Variants in SMIM14 observed in about 807,000 individuals in gnomAD.
SMIM14 encodes the protein small integral membrane protein 14.
In SMIM14, 5 loss-of-function variants were observed where a neutral mutation model predicts 12.6. The ratio of observed to expected loss-of-function variants is 0.40; its 90% CI spans 0.21 to 0.83. The LOEUF (loss-of-function observed/expected upper bound fraction) is 0.83. Among genes scored for constraint, SMIM14 ranks in the 40% least tolerant of loss-of-function variants. The pLI is 0.37. For synonymous variants in SMIM14, 30 were observed against 40.1 expected (o/e 0.75, Z 0.95); for missense variants, 86 against 119.1 (o/e 0.72, Z 1.29).
At chr4:39,570,438 C>T (rs1169585763) in intron 3 of SMIM14, among the ~76,000 whole-genome samples, 2 of 152,002 alleles carry the variant, frequency 1.3e-5, no homozygotes, top group South Asian at 2.1e-4. Flanking sequence ...GGATTACAGG[C>T]GTGAGCCACC....
chr4:39,565,666 A>C (rs973358297), intron 3 of SMIM14, among the ~76,000 whole-genome samples: 1 of 152,152 alleles, frequency 6.6e-6, no homozygotes, highest in Non-Finnish European at 1.5e-5. Context: ...TCTGACTCTC[A>C]TTTTGACAGA....
At chr4:39,565,391 A>G (rs1337387286) in intron 3 of SMIM14, among the ~76,000 whole-genome samples, 1 of 152,106 alleles carries the variant, frequency 6.6e-6, no homozygotes, top group East Asian at 1.9e-4. Context: ...CAGTGGCTCA[A>G]TTACAGTCAC....
In SMIM14 at chr4:39,571,677, A is replaced by G. The variant is rs1712898577; in HGVS notation, c.124+738T>C. Reference sequence around the variant, plus strand: ...AGGGAGAGAGTGAATGGTTTGCGCAAGCAGCTTTGATGTCCCAGTTACACC... The same window carrying G: ...AGGGAGAGAGTGAATGGTTTGCGCAGGCAGCTTTGATGTCCCAGTTACACC... On this transcript the variant is annotated intron_variant, in intron 3 of 4. Transcript: ENST00000295958. Among the ~76,000 whole-genome samples the G allele has an allele frequency of 2.0e-5, 3 of 152,184 alleles. No individual in the cohort carries two copies. In the South Asian group the frequency reaches 6.2e-4, roughly 32 times the overall value.
intron 1 of SMIM14, among the ~76,000 whole-genome samples, chr4:39,633,461 T>G (rs1285350720): frequency 6.6e-6 from 1 of 152,096 alleles, no homozygotes; most frequent in Non-Finnish European, 1.5e-5. Flanking sequence ...AAAGGAAAAC[T>G]TCAAATAAAT....
At chr4:39,605,043 A>G (rs767794541) in intron 2 of SMIM14, 28 bp downstream of exon 2, 1 of 1,379,426 alleles carries the variant, frequency 7.2e-7, no homozygotes, top group South Asian at 1.2e-5. Context: ...AGATCAGTTC[A>G]GAATAGGATT....
intron 1 of SMIM14, among the ~76,000 whole-genome samples, chr4:39,624,688 G>A (rs1482261068): frequency 1.3e-5 from 2 of 151,268 alleles, no homozygotes; most frequent in East Asian, 2.0e-4. Context: ...GCTGGGCGTG[G>A]TGGTGTGTCC....
chr4:39,614,185 C>CAAAA (rs60332502), intron 1 of SMIM14, among the ~76,000 whole-genome samples: 41 of 102,286 alleles, frequency 4.0e-4, no homozygotes, highest in African/African-American at 1.2e-3. Flanking sequence ...AACTCCATTA[C>CAAAA]AAAAAAAAAA....
At chr4:39,622,460 G>A (rs1429116528) in intron 1 of SMIM14, among the ~76,000 whole-genome samples, 1 of 152,110 alleles carries the variant, frequency 6.6e-6, no homozygotes, top group African/African-American at 2.4e-5. Flanking sequence ...GAGTGCAGTG[G>A]CACGGTCTCG....
At position 39,638,769 on chromosome 4, in the gene SMIM14, G is replaced by A. The variant is rs927289612; in HGVS notation, c.-66C>T. 39 of 985,428 alleles carry A rather than the reference G, an allele frequency of 4.0e-5. No individual in the cohort carries two copies. In the African/African-American group the frequency reaches 5.4e-4, roughly 14 times the overall value. 61.0% of individuals were successfully genotyped at this position (985,428 alleles called of 1,614,324 possible). On this transcript the variant is annotated 5_prime_UTR_variant, in exon 1 of 5. Coordinates refer to ENST00000295958, the MANE Select transcript of SMIM14 (RefSeq NM_174921.3). ...CAGACAACAACCGATGGGGCGGGGA[G>A]GATGGGGGCCGGGACCGAGGCTCGG...
intron 1 of SMIM14, among the ~76,000 whole-genome samples, chr4:39,631,622 G>A (rs930318658): frequency 7.3e-5 from 11 of 151,242 alleles, no homozygotes; most frequent in Non-Finnish European, 1.5e-4. Flanking sequence ...TTGCGCCACT[G>A]CACTCTAGCC....
chr4:39,620,336 A>G (rs1715436799), intron 1 of SMIM14, among the ~76,000 whole-genome samples: 4 of 151,974 alleles, frequency 2.6e-5, no homozygotes, highest in African/African-American at 9.6e-5. Context: ...AAAATTAGCC[A>G]GGCATGGTGG....
chr4:39,627,227 C>T (rs6823296), intron 1 of SMIM14, among the ~76,000 whole-genome samples: 19,588 of 152,152 alleles, frequency 0.13, 1,984 homozygotes, highest in African/African-American at 0.28. Flanking sequence ...CCTCCTAATA[C>T]TATCACACTG....
intron 2 of SMIM14, chr4:39,593,586 T>C (rs1714216051): frequency 6.6e-6 from 1 of 152,198 alleles, no homozygotes; most frequent in South Asian, 2.1e-4. Context: ...ATAAAGGGTA[T>C]TCAATTAGGA....
intron 1 of SMIM14, among the ~76,000 whole-genome samples, chr4:39,633,345 G>A (rs1397191991): frequency 1.3e-5 from 2 of 152,050 alleles, no homozygotes; most frequent in Non-Finnish European, 2.9e-5. Context: ...TAATTAGACT[G>A]GCTGCTGTAA....
chr4:39,579,566 G>A (rs1254789404), intron 2 of SMIM14, among the ~76,000 whole-genome samples: 6 of 151,692 alleles, frequency 4.0e-5, no homozygotes, highest in African/African-American at 9.7e-5. Flanking sequence ...TTGGCAGGCC[G>A]GGAACAGGGC....
intron 2 of SMIM14, among the ~76,000 whole-genome samples, chr4:39,601,175 C>T (rs1714597499): frequency 6.6e-6 from 1 of 152,132 alleles, no homozygotes; most frequent in Non-Finnish European, 1.5e-5. Flanking sequence ...TCTATTTCTA[C>T]AGAATAGGCA....
At chr4:39,573,594 A>G (rs1257851439) in intron 2 of SMIM14, among the ~76,000 whole-genome samples, 1 of 152,216 alleles carries the variant, frequency 6.6e-6, no homozygotes, top group Admixed American at 6.5e-5. Flanking sequence ...CTTGCTGCCA[A>G]TATATAATTA....
chr4:39,590,173 G>T (rs185935078), intron 2 of SMIM14, among the ~76,000 whole-genome samples: 1 of 151,984 alleles, frequency 6.6e-6, no homozygotes, highest in Non-Finnish European at 1.5e-5. Flanking sequence ...CAGCACTTTG[G>T]GGGGCCAAGG....
In SMIM14 at chr4:39,598,175, G is replaced by A. The variant is rs546157539; in HGVS notation, c.75+6896C>T. Among the ~76,000 whole-genome samples the A allele has an allele frequency of 2.0e-5, 3 of 152,208 alleles. No individual in the cohort carries two copies. The South Asian group carries it at 6.2e-4, about 32-fold the overall frequency. On this transcript the variant is annotated intron_variant, in intron 2 of 4. Transcript: ENST00000295958. ...AGGCCTAAGCCAGTTACCTTATACT[G>A]CATAGAAGGGAAAAGAGGCACAACA...
Sources: gnomAD v4.1 joint callset for allele counts (sites outside exome capture counted in the v4.1 genomes callset) on GRCh38, gnomAD v4.1.1 for gene constraint, MANE v1.5 for transcripts, NCBI Gene and HGNC (gene_info 2026-07-23, HGNC 2026-07-21) for gene names.